The following DPF3 variants were observed in gnomAD, a reference collection of about 807,000 sequenced individuals.
DPF3 encodes double PHD fingers 3, also known as zinc finger protein DPF3.
In DPF3, 18 loss-of-function variants were observed where a neutral mutation model predicts 56.8. That is an observed-to-expected ratio of 0.32 (90% CI 0.22 to 0.47). The LOEUF is 0.47. DPF3 is among the 20% of genes least tolerant of loss of function. The pLI is 1.00. For missense variants in DPF3, 403 were observed against 488.8 expected (o/e 0.82, Z 1.65); for synonymous variants, 188 against 180.2 (o/e 1.04, Z -0.35).
At chr14:72,751,345 C>A (rs1010429883) in intron 3 of DPF3, among the ~76,000 whole-genome samples, 1 of 152,086 alleles carries the variant, frequency 6.6e-6, no homozygotes, top group Admixed American at 6.5e-5. Context: ...GCCTAGCTAC[C>A]TGTAAGTCTT....
At chr14:72,824,820 C>T (rs1279589968) in intron 1 of DPF3, among the ~76,000 whole-genome samples, 9 of 151,528 alleles carry the variant, frequency 5.9e-5, no homozygotes, top group Non-Finnish European at 1.2e-4. Context: ...GATCCGCCTA[C>T]TTCAGCCTCC....
chr14:72,702,141 C>T (rs764996607), intron 6 of DPF3, among the ~76,000 whole-genome samples: 2 of 152,124 alleles, frequency 1.3e-5, no homozygotes, highest in African/African-American at 4.8e-5. Flanking sequence ...CTGAAAGGTG[C>T]GCTGGTGAGT....
In DPF3 at chr14:72,815,460, T is replaced by C. The variant is rs140967946; in HGVS notation, c.33-43567A>G. Among the ~76,000 whole-genome samples, 87 of 152,370 alleles carry C rather than the reference T, an allele frequency of 5.7e-4. 2 individuals carry two copies. The highest frequency in any genetic ancestry group is 4.6e-3 in the Admixed American group (71 of 15,304). On this transcript the variant is annotated intron_variant, in intron 1 of 10. Transcript: ENST00000556509. ...TTAAAGTTAAATATACAATTATATT[T>C]TCATTTCTCCCAGAGATTTGCTCAA...
intron 1 of DPF3, among the ~76,000 whole-genome samples, chr14:72,826,536 C>A (rs978626659): frequency 2.0e-5 from 3 of 152,212 alleles, no homozygotes; most frequent in African/African-American, 7.2e-5. Flanking sequence ...AAGAAGCCCT[C>A]TTTTCAGCGA....
At chr14:72,871,500 G>A (rs1599512857) in intron 1 of DPF3, among the ~76,000 whole-genome samples, 2 of 152,328 alleles carry the variant, frequency 1.3e-5, no homozygotes, top group South Asian at 4.1e-4. Flanking sequence ...GCCCAGGTAG[G>A]TCTGAAATCC....
chr14:72,766,243 T>C (rs1174455489), intron 2 of DPF3, among the ~76,000 whole-genome samples: 1 of 152,160 alleles, frequency 6.6e-6, no homozygotes, highest in African/African-American at 2.4e-5. Flanking sequence ...AAAGATGAAA[T>C]AGATACACTT....
chr14:72,872,979 A>G (rs941214348), intron 1 of DPF3, among the ~76,000 whole-genome samples: 1 of 152,184 alleles, frequency 6.6e-6, no homozygotes, highest in South Asian at 2.1e-4. Flanking sequence ...CTAGAAGAAA[A>G]CCTAGGCAAT....
chr14:72,756,341 C>T (rs2139908142), intron 2 of DPF3, among the ~76,000 whole-genome samples: 1 of 152,294 alleles, frequency 6.6e-6, no homozygotes, highest in Admixed American at 6.5e-5. Context: ...AGAACTGGCT[C>T]CATGGAAATA....
intron 9 of DPF3, among the ~76,000 whole-genome samples, chr14:72,624,828 A>G (rs1884724784): frequency 6.6e-6 from 1 of 152,222 alleles, no homozygotes; most frequent in Non-Finnish European, 1.5e-5. Flanking sequence ...ATCTTTTCTC[A>G]TGATAAGATC....
intron 1 of DPF3, among the ~76,000 whole-genome samples, chr14:72,807,338 T>C (rs563195314): frequency 2.9e-4 from 44 of 152,198 alleles, no homozygotes; most frequent in Non-Finnish European, 5.0e-4. Context: ...GAATTAACAC[T>C]AGGAAATGTG....
chr14:72,870,243 A>C (rs1217403082), intron 1 of DPF3, among the ~76,000 whole-genome samples: 1 of 152,206 alleles, frequency 6.6e-6, no homozygotes, highest in Non-Finnish European at 1.5e-5. Flanking sequence ...CCACCCTGAC[A>C]ACAGTGTGTC....
chr14:72,838,913 T>TAC (rs1884431789), intron 1 of DPF3, among the ~76,000 whole-genome samples: 1 of 10,142 alleles, frequency 9.9e-5, no homozygotes, highest in Non-Finnish European at 2.6e-4. Context: ...ATATTCTTTT[T>TAC]TTTTTTTTTT....
At chr14:72,828,172 C>G (rs2140046957) in intron 1 of DPF3, among the ~76,000 whole-genome samples, 1 of 152,284 alleles carries the variant, frequency 6.6e-6, no homozygotes, top group South Asian at 2.1e-4. Context: ...CCTCCTTTCT[C>G]CATTTGTTTT....
In DPF3 at chr14:72,610,064, T is replaced by C. The variant is rs896125121; in HGVS notation, c.*9233A>G. ...TGACTGAGAGTCTCAGAAGGAGTTG[T>C]GAGTGTGAGGTAAAAGAGACAAGCA... is the stretch of plus-strand genomic sequence containing the variant. On this transcript the variant is annotated 3_prime_UTR_variant, in exon 11 of 11. Transcript: ENST00000556509. 6.6e-5 allele frequency among the ~76,000 whole-genome samples: 10 copies of C among 152,200 alleles called. No individual in the cohort carries two copies. The East Asian group carries it at 1.7e-3, about 26-fold the overall frequency.
chr14:72,776,622 G>C (rs894412000), intron 1 of DPF3, among the ~76,000 whole-genome samples: 1 of 151,992 alleles, frequency 6.6e-6, no homozygotes, highest in Non-Finnish European at 1.5e-5. Context: ...ACCCCTCTAA[G>C]ACCCTCTGCT....
At position 72,816,181 on chromosome 14, in the gene DPF3, C is replaced by T. The variant is rs376827321; in HGVS notation, c.33-44288G>A. ...ACCTTGTCTCAGAGCCCTGCACTCC[C>T]ACCCTTGTACACTGCACCAGCAGCT... On this transcript the variant is annotated intron_variant, in intron 1 of 10. Coordinates refer to ENST00000556509, the MANE Select transcript of DPF3 (RefSeq NM_001280542.3). 7.9e-5 allele frequency among the ~76,000 whole-genome samples: 12 copies of T among 152,302 alleles called. No homozygotes were observed. The South Asian group carries it at 1.2e-3, about 16-fold the overall frequency.
chr14:72,887,863 C>T (rs116027129), intron 1 of DPF3, among the ~76,000 whole-genome samples: 32 of 152,216 alleles, frequency 2.1e-4, no homozygotes, highest in African/African-American at 6.5e-4. Context: ...GAGGTTGAGA[C>T]GGGTTTCATC....
At chr14:72,702,364 A>C (rs1888207004) in intron 6 of DPF3, among the ~76,000 whole-genome samples, 1 of 152,116 alleles carries the variant, frequency 6.6e-6, no homozygotes, top group Non-Finnish European at 1.5e-5. Flanking sequence ...CCAAGACTCC[A>C]GTCCTGCCTG....
chr14:72,865,149 G>A (rs976295635), intron 1 of DPF3, among the ~76,000 whole-genome samples: 1 of 152,188 alleles, frequency 6.6e-6, no homozygotes, highest in African/African-American at 2.4e-5. Context: ...CTGGAGTCAT[G>A]GGAATCCACT....
Sources: allele counts gnomAD v4.1 joint callset (sites outside exome capture counted in the v4.1 genomes callset), GRCh38; gene constraint gnomAD v4.1.1; transcripts MANE v1.5; gene names NCBI Gene and HGNC (gene_info 2026-07-23, HGNC 2026-07-21).